The following THSD7B variants were observed in gnomAD, a reference collection of about 807,000 sequenced individuals.
THSD7B encodes the protein thrombospondin type-1 domain-containing protein 7B.
A neutral mutation model predicts 213.6 loss-of-function variants in THSD7B; 138 were observed. The ratio of observed to expected loss-of-function variants is 0.65; its 90% CI spans 0.56 to 0.74. THSD7B has a LOEUF of 0.74. Among genes scored for constraint, THSD7B ranks in the 30% least tolerant of loss-of-function variants. The pLI, the probability that THSD7B is intolerant of heterozygous loss-of-function variation, is 0.00. For missense variants in THSD7B, 1,931 were observed against 1,991.5 expected (o/e 0.97, Z 0.58); for synonymous variants, 742 against 687.0 (o/e 1.08, Z -1.25).
At chr2:137,400,339 T>C (rs947439015) in intron 12 of THSD7B, among the ~76,000 whole-genome samples, 7 of 152,190 alleles carry the variant, frequency 4.6e-5, no homozygotes, top group Admixed American at 1.3e-4. Context: ...CATTGATTTC[T>C]GCGCATCTAG....
chr2:137,196,928 G>A (rs561733798), intron 7 of THSD7B, among the ~76,000 whole-genome samples: 4 of 152,270 alleles, frequency 2.6e-5, no homozygotes, highest in Admixed American at 2.6e-4. Flanking sequence ...TAGGGCTAAT[G>A]CACAGCGGGC....
intron 2 of THSD7B, among the ~76,000 whole-genome samples, chr2:137,046,335 T>C (rs144410321): frequency 2.5e-4 from 38 of 152,228 alleles, no homozygotes; most frequent in Admixed American, 7.8e-4. Context: ...TAAAGTACTA[T>C]CAGAGCAGAG....
At chr2:137,211,389 T>C (rs72971533) in intron 7 of THSD7B, among the ~76,000 whole-genome samples, 380 of 15,194 alleles carry the variant, frequency 0.025, 3 homozygotes, top group African/African-American at 0.061. Context: ...GATGTTATAG[T>C]TGTGCCCTCT....
chr2:136,848,296 C>T (rs1273828627), intron 1 of THSD7B, among the ~76,000 whole-genome samples: 1 of 152,128 alleles, frequency 6.6e-6, no homozygotes, highest in Non-Finnish European at 1.5e-5. Context: ...TCAGAATCAC[C>T]TGGAAGGCTT....
chr2:137,468,618 G>C (rs1434945540), intron 15 of THSD7B, among the ~76,000 whole-genome samples: 1 of 8,188 alleles, frequency 1.2e-4, no homozygotes, highest in African/African-American at 1.8e-4. Flanking sequence ...AGATTTGTGT[G>C]TGTGGAGGGG....
intron 12 of THSD7B, among the ~76,000 whole-genome samples, chr2:137,329,181 TG>T (rs1461506256): frequency 6.6e-6 from 1 of 152,164 alleles, no homozygotes; most frequent in African/African-American, 2.4e-5. Context: ...ACCAAAATGC[TG>T]ATAGTGATAT....
chr2:137,243,639 A>T (rs1184747077), intron 10 of THSD7B, among the ~76,000 whole-genome samples: 3 of 152,230 alleles, frequency 2.0e-5, no homozygotes, highest in Non-Finnish European at 2.9e-5. Context: ...TTTGACTCAC[A>T]TATCTATAGC....
chr2:136,799,893 T>A (rs1682144942), intron 1 of THSD7B, among the ~76,000 whole-genome samples: 1 of 152,000 alleles, frequency 6.6e-6, no homozygotes, highest in Non-Finnish European at 1.5e-5. Flanking sequence ...TTGGTTTTAC[T>A]TCTGCCCTCA....
chr2:137,581,914 T>A (rs1343958914), intron 17 of THSD7B, among the ~76,000 whole-genome samples: 1 of 151,468 alleles, frequency 6.6e-6, no homozygotes, highest in Admixed American at 6.6e-5. Context: ...CTGGCCAACA[T>A]AGTAAAAACT....
intron 3 of THSD7B, among the ~76,000 whole-genome samples, chr2:137,091,198 G>T (rs565599669): frequency 4.6e-5 from 7 of 152,276 alleles, no homozygotes; most frequent in African/African-American, 1.7e-4. Context: ...TGCTCTTACT[G>T]TTGGAGACTT....
chr2:137,285,969 T>A (rs761477156), intron 12 of THSD7B, among the ~76,000 whole-genome samples: 1 of 151,348 alleles, frequency 6.6e-6, no homozygotes, highest in African/African-American at 2.4e-5. Context: ...CCGGGCACGG[T>A]GGTGGGTGCC....
intron 2 of THSD7B, among the ~76,000 whole-genome samples, chr2:136,964,357 C>T (rs1685279037): frequency 1.3e-5 from 2 of 151,894 alleles, no homozygotes; most frequent in African/African-American, 2.4e-5. Context: ...CCCAGAAGTT[C>T]AAGGTTACAG....
At chr2:137,371,747 A>T (rs903892752) in intron 12 of THSD7B, among the ~76,000 whole-genome samples, 1 of 152,100 alleles carries the variant, frequency 6.6e-6, no homozygotes, top group South Asian at 2.1e-4. Flanking sequence ...TTAATCTTAC[A>T]TTCTATTGAA....
In THSD7B at chr2:137,243,572, AGGTTTGC is replaced by A. The variant is rs200584697; in HGVS notation, c.2266+1001_2266+1007del. 6.8e-4 allele frequency among the ~76,000 whole-genome samples: 103 copies of A among 152,344 alleles called. No homozygotes were observed. In the East Asian group the frequency reaches 0.019, roughly 28 times the overall value. ...TTCTGCAGAGAAAAAAGCCTGTCAG[AGGTTTGC>A]TTTCCTTGGATAATTCCAGCTGTGT... On this transcript the variant is annotated intron_variant, in intron 10 of 27. Transcript: ENST00000409968.
At chr2:137,057,717 T>C (rs1358555376) in intron 3 of THSD7B, among the ~76,000 whole-genome samples, 2 of 152,244 alleles carry the variant, frequency 1.3e-5, no homozygotes, top group Admixed American at 6.5e-5. Context: ...ATCTGTGTTG[T>C]ACATTTTTTA....
At chr2:137,398,848 G>A (rs1686274720) in intron 12 of THSD7B, among the ~76,000 whole-genome samples, 1 of 152,212 alleles carries the variant, frequency 6.6e-6, no homozygotes, top group Non-Finnish European at 1.5e-5. Context: ...CAAGCCAGGT[G>A]CGGGATATAA....
At chr2:137,147,448 C>A (rs993474872) in intron 5 of THSD7B, among the ~76,000 whole-genome samples, 2 of 150,316 alleles carry the variant, frequency 1.3e-5, no homozygotes, top group African/African-American at 4.9e-5. Flanking sequence ...TACAATGAGG[C>A]CTTCATTACT....
Position 137,287,866 on chromosome 2 carries a change from T to A in THSD7B, c.2500+11840T>A, listed in dbSNP as rs555729596. 5.3e-5 allele frequency among the ~76,000 whole-genome samples: 8 copies of A among 152,238 alleles called. No individual in the cohort carries two copies. In the East Asian group the frequency reaches 1.5e-3, roughly 29 times the overall value. On this transcript the variant is annotated intron_variant, in intron 12 of 27. Transcript: ENST00000409968. The stretch of plus-strand genomic sequence containing the variant: ...TCTCTTCTAGCTACACGGTTCTCAG[T>A]CACAGAACTATCTTCCCTTCAGGAA...
chr2:137,079,213 A>G (rs140465917), intron 3 of THSD7B, among the ~76,000 whole-genome samples: 6 of 152,162 alleles, frequency 3.9e-5, no homozygotes, highest in Admixed American at 6.5e-5. Flanking sequence ...TATATTCTCT[A>G]TTATCGATGT....
Sources: gnomAD v4.1 joint callset for allele counts (sites outside exome capture counted in the v4.1 genomes callset) on GRCh38, gnomAD v4.1.1 for gene constraint, MANE v1.5 for transcripts, NCBI Gene and HGNC (gene_info 2026-07-23, HGNC 2026-07-21) for gene names.